Variants in NFASC observed in about 807,000 individuals in gnomAD.
The protein encoded by NFASC is neurofascin, also known as neurofascin homolog.
In NFASC, 43 loss-of-function variants were observed where a neutral mutation model predicts 147.5. The ratio of observed to expected loss-of-function variants is 0.29; its 90% CI spans 0.23 to 0.38. The LOEUF is 0.38. Ranked by LOEUF, NFASC falls within the 10% of genes least tolerant of loss-of-function variation. NFASC has a pLI of 1.00. For synonymous variants in NFASC, 622 were observed against 665.5 expected, an observed-to-expected ratio of 0.93 and a Z score of 1.01; for missense variants, 1,320 against 1,689.0, an observed-to-expected ratio of 0.78 and a Z score of 3.83.
rs544497699 is a variant in NFASC at position 205,019,345 on chromosome 1, G to T, written c.*2806G>T. 102 of 152,330 alleles carry T rather than the reference G, an allele frequency of 6.7e-4. No homozygotes were observed. The highest frequency in any genetic ancestry group is 3.4e-3 in the Middle Eastern group (1 of 294). 9.4% of individuals were successfully genotyped at this position (152,330 alleles called of 1,614,324 possible). On this transcript the variant is annotated 3_prime_UTR_variant, in exon 30 of 30. Transcript: ENST00000339876. ...GCCAGGACAGCACCATGCCATCGGC[G>T]CTCCAGTCTGTCTGGCTGGGAGGAA...
At chr1:204,843,551 GTCTC>G (rs1480833485) in intron 1 of NFASC, among the ~76,000 whole-genome samples, 1 of 150,948 alleles carries the variant, frequency 6.6e-6, no homozygotes, top group East Asian at 1.9e-4. Flanking sequence ...CTCCAGGTCT[GTCTC>G]TCTCTCTCCC....
At chr1:204,957,596 C>A in intron 7 of NFASC, 60 bp from the exon 8 acceptor site, 2 of 1,521,750 alleles carry the variant, frequency 1.3e-6, no homozygotes, top group Non-Finnish European at 1.8e-6. Flanking sequence ...GCCAGGACTG[C>A]GGTGGTGATG....
rs571697809 is a variant in NFASC at position 204,987,768 on chromosome 1, G to T, written c.2593+228G>T. Among the ~76,000 whole-genome samples the T allele has an allele frequency of 2.8e-4, 42 of 152,326 alleles. No homozygotes were observed. Among genetic ancestry groups the T allele is most frequent in the African/African-American group, 9.9e-4 (41 of 41,576 alleles). On this transcript the variant is annotated intron_variant, in intron 22 of 29. Coordinates refer to ENST00000339876, the MANE Select transcript of NFASC (RefSeq NM_001005388.3). The surrounding 1 kb of genome is among the most constrained non-coding windows in gnomAD (Gnocchi z 4.4). ...GCAGGGAGCTTCTAGTCTCACTGAT[G>T]AGACAAAGGGACCTCCAGTCTAATG...
chr1:204,918,827 C>A (rs1222254299), intron 1 of NFASC, among the ~76,000 whole-genome samples: 2 of 152,188 alleles, frequency 1.3e-5, no homozygotes, highest in Non-Finnish European at 2.9e-5. Flanking sequence ...CTCAAGTGAT[C>A]TGCCAACCTT....
intron 1 of NFASC, among the ~76,000 whole-genome samples, chr1:204,853,007 A>G (rs2075831332): frequency 6.6e-6 from 1 of 152,190 alleles, no homozygotes; most frequent in Non-Finnish European, 1.5e-5. Flanking sequence ...CCTTGTCAAT[A>G]GACAGTGTTC....
At chr1:205,011,938 G>A (rs572516839) in intron 28 of NFASC, among the ~76,000 whole-genome samples, 1 of 152,308 alleles carries the variant, frequency 6.6e-6, no homozygotes, top group South Asian at 2.1e-4. Flanking sequence ...AATGAGCCAG[G>A]CGCGGTGGCA....
At position 204,969,077 on chromosome 1, in the gene NFASC, G is replaced by A. The variant is rs755855206; in HGVS notation, c.1003+95G>A. 2.7e-5 allele frequency: 31 copies of A among 1,143,944 alleles called. No homozygotes were observed. The African/African-American group carries it at 3.1e-4, about 11-fold the overall frequency. 70.9% of individuals were successfully genotyped at this position (1,143,944 alleles called of 1,614,324 possible). A position where few individuals can be genotyped will look rare whatever the true frequency, so the allele number is the denominator to read the frequency against. ...AGGGTGGTTGGGGGCAGAGTGAGTC[G>A]GAGAGACTTCCAGCCCACTGCTCAG... On this transcript the variant is annotated intron_variant, in intron 10 of 29. Coordinates refer to ENST00000339876, the MANE Select transcript of NFASC (RefSeq NM_001005388.3).
chr1:204,950,575 G>C lies in NFASC; in HGVS notation c.109+1G>C. On this transcript the variant is annotated splice_donor_variant, in intron 4 of 29. Transcript: ENST00000339876. LOFTEE classifies it high-confidence loss of function. ...CTAACAGCAAGCATTCAGAATGAGC[G>C]TAAGTGCCCTGTGTGCCTCTCTGTG... The C allele has an allele frequency of 6.2e-7, 1 of 1,612,568 alleles. No individual in the cohort carries two copies. Among genetic ancestry groups the C allele is most frequent in the Non-Finnish European group, 8.5e-7 (1 of 1,179,266 alleles).
intron 1 of NFASC, among the ~76,000 whole-genome samples, chr1:204,904,801 ACT>A (rs1165374227): frequency 6.6e-6 from 1 of 151,622 alleles, no homozygotes; most frequent in Non-Finnish European, 1.5e-5. Context: ...TTCATGACTC[ACT>A]CTCATCATTG....
rs537341316 is a variant in NFASC at position 205,012,920 on chromosome 1, G to A, written c.3491+54G>A. The A allele has an allele frequency of 2.3e-6, 3 of 1,283,382 alleles. No homozygotes were observed. In the South Asian group the frequency reaches 3.6e-5, roughly 15 times the overall value. 79.5% of individuals were successfully genotyped at this position (1,283,382 alleles called of 1,614,324 possible). A position where few individuals can be genotyped will look rare whatever the true frequency, so the allele number is the denominator to read the frequency against. ...GCAGGCTGTCCTCCCTGTCCCTGAG[G>A]CACCACCCTCCCCTCAGAGTAGCTC... On this transcript the variant is annotated intron_variant, in intron 29 of 29. Transcript: ENST00000339876.
chr1:204,881,629 TG>T (rs1419144522), intron 1 of NFASC, among the ~76,000 whole-genome samples: 1 of 152,024 alleles, frequency 6.6e-6, no homozygotes. Context: ...TTCAGTCTGA[TG>T]GGGGGAACCA....
chr1:204,881,165 C>T (rs2080132139), intron 1 of NFASC, among the ~76,000 whole-genome samples: 1 of 152,196 alleles, frequency 6.6e-6, no homozygotes, highest in Non-Finnish European at 1.5e-5. Flanking sequence ...GCATGGCAGG[C>T]AGGGACCGGC....
chr1:204,861,180 C>G lies in NFASC; in HGVS notation c.-200+32398C>G, dbSNP rs187306676. Among the ~76,000 whole-genome samples the G allele has an allele frequency of 4.3e-3, 631 of 146,722 alleles. 5 individuals are homozygous for G. Among genetic ancestry groups the G allele is most frequent in the African/African-American group, 0.015 (604 of 39,320 alleles). On this transcript the variant is annotated intron_variant, in intron 1 of 29. Coordinates refer to ENST00000339876, the MANE Select transcript of NFASC (RefSeq NM_001005388.3). Reference sequence around the variant, plus strand: ...CATCTGTCACTGCAGCTTTGACCTCCTGGGCACAAGCAATCCTCCCACCTC... The same window carrying G: ...CATCTGTCACTGCAGCTTTGACCTCGTGGGCACAAGCAATCCTCCCACCTC...
In NFASC at chr1:205,002,667, G is replaced by A. The variant is rs893247355; in HGVS notation, c.3208G>A (p.Gly1070Arg). 11 of 1,587,522 alleles carry A rather than the reference G, an allele frequency of 6.9e-6. No homozygotes were observed. The highest frequency in any genetic ancestry group is 4.5e-5 in the South Asian group (4 of 88,828). ...QPIQLTDLYP[G>R]MTYTLRVYSR... is the part of the protein sequence containing the mutation. Reference sequence around the variant, plus strand: ...TATACAGCTGACAGACCTCTATCCCGGGATGACATACACGTTGCGGGTTTA... The same window carrying A: ...TATACAGCTGACAGACCTCTATCCCAGGATGACATACACGTTGCGGGTTTA... The change falls in exon 27 of 30, where the codon GGG becomes AGG. Residue 1070 changes from glycine to arginine, a missense_variant. Around this residue, in one of 3 missense-constraint regions of NFASC, gnomAD observed 167 missense variants for 233.8 expected, o/e 0.71. Coordinates refer to ENST00000339876, the MANE Select transcript of NFASC (RefSeq NM_001005388.3).
rs1574180226 is a variant in NFASC at position 204,987,507 on chromosome 1, A to G, written c.2560A>G (p.Ile854Val). ...EWDHPEHPNG[I>V]MIGYTLKYVA... ...GGATCATCCTGAGCATCCAAATGGG[A>G]TCATGATTGGATACACTCTCAAATA... is the stretch of plus-strand genomic sequence containing the variant. The change falls in exon 22 of 30, where the codon ATC (isoleucine) becomes GTC (valine). Residue 854 changes from isoleucine (I) to valine (V), a missense_variant. Ile to Val is a conservative substitution (Grantham distance 29). Transcript: ENST00000339876. The surrounding 1 kb of genome is among the most constrained non-coding windows in gnomAD (Gnocchi z 4.4). The G allele has an allele frequency of 6.2e-7, 1 of 1,614,054 alleles. No homozygotes were observed. The highest frequency in any genetic ancestry group is 1.3e-5 in the African/African-American group (1 of 75,008).
rs765738419 is a variant in NFASC, at chr1:205,001,130, CCCT to C, written c.3020-35_3020-33del. On this transcript the variant is annotated intron_variant, in intron 25 of 29. Transcript: ENST00000339876. ...GTGTCTCCATATCTCTGGTGCCACT[CCCT>C]CCTCATCACTAACCCCTTTTCTAAC... The C allele has an allele frequency of 2.1e-4, 250 of 1,207,960 alleles. 3 individuals carry two copies. Among genetic ancestry groups the C allele is most frequent in the South Asian group, 5.0e-4 (39 of 78,070 alleles). 74.8% of individuals were successfully genotyped at this position (1,207,960 alleles called of 1,614,324 possible).
intron 1 of NFASC, among the ~76,000 whole-genome samples, chr1:204,895,167 T>G (rs1412079302): frequency 6.6e-6 from 1 of 152,168 alleles, no homozygotes; most frequent in African/African-American, 2.4e-5. Context: ...CCATCCAAAC[T>G]GGTATCCTTC....
chr1:204,954,315 G>A lies in NFASC; in HGVS notation c.343G>A (p.Glu115Lys). Residue 115 changes from glutamate (E) to lysine (K), a missense_variant, in exon 6 of 30, where the codon GAA becomes AAA. By Grantham distance (56) the Glu-to-Lys change is moderately conservative. Transcript: ENST00000339876. The surrounding 1 kb of genome is among the most constrained non-coding windows in gnomAD (Gnocchi z 5.7). ...CGGGCGGCCGGAGGAATATGAGGGGGAATATCAGTGCTTCGCCCGCAACAA... is the reference window on the plus strand; with the variant it reads ...CGGGCGGCCGGAGGAATATGAGGGGAAATATCAGTGCTTCGCCCGCAACAA... ...SGGRPEEYEG[E>K]YQCFARNKFG... is the part of the protein sequence containing the mutation. 1 of 1,614,186 alleles carries A rather than the reference G, an allele frequency of 6.2e-7. No homozygotes were observed. The highest frequency in any genetic ancestry group is 8.5e-7 in the Non-Finnish European group (1 of 1,180,034).
At chr1:204,838,460 G>T (rs1674388852) in intron 1 of NFASC, among the ~76,000 whole-genome samples, 1 of 152,126 alleles carries the variant, frequency 6.6e-6, no homozygotes, top group South Asian at 2.1e-4. Context: ...TGTGAGTTTT[G>T]CCCTGACTTT....
Sources: allele counts gnomAD v4.1 joint callset (sites outside exome capture counted in the v4.1 genomes callset), GRCh38; gene constraint gnomAD v4.1.1; regional missense constraint gnomAD v4.1.1; non-coding constraint Gnocchi (gnomAD v3.1); transcripts MANE v1.5; gene names NCBI Gene and HGNC (gene_info 2026-07-23, HGNC 2026-07-21).